Variants in TNFRSF11B observed in about 807,000 individuals in gnomAD.
TNFRSF11B encodes the protein tumor necrosis factor receptor superfamily member 11B.
TNFRSF11B carries 16 observed loss-of-function variants against 43.4 expected under a neutral mutation model. The observed-to-expected ratio is 0.37, with a 90% CI of 0.25 to 0.56. The LOEUF (loss-of-function observed/expected upper bound fraction) is 0.56. Among genes scored for constraint, TNFRSF11B ranks in the 20% least tolerant of loss-of-function variants. The probability of loss-of-function intolerance (pLI) is 0.80; values close to 1 mark genes in which losing one functional copy is unlikely to be tolerated. For synonymous variants in TNFRSF11B, 185 were observed against 181.8 expected, an observed-to-expected ratio of 1.02 and a Z score of -0.14; for missense variants, 444 against 490.1, an observed-to-expected ratio of 0.91 and a Z score of 0.89.
intron 1 of TNFRSF11B, among the ~76,000 whole-genome samples, chr8:118,940,775 A>T (rs1202143243): frequency 6.6e-6 from 1 of 152,174 alleles, no homozygotes; most frequent in Non-Finnish European, 1.5e-5. Context: ...AGCACCTTGG[A>T]CATGTTGATA....
chr8:118,931,327 G>A (rs2129892791), intron 2 of TNFRSF11B, among the ~76,000 whole-genome samples: 1 of 152,294 alleles, frequency 6.6e-6, no homozygotes, highest in African/African-American at 2.4e-5. Context: ...TGTACACAGA[G>A]TAAAATGTGT....
chr8:118,948,619 G>T (rs1039773783), intron 1 of TNFRSF11B, among the ~76,000 whole-genome samples: 1 of 151,778 alleles, frequency 6.6e-6, no homozygotes, highest in African/African-American at 2.4e-5. Flanking sequence ...AGTAAAATTT[G>T]AAACTAGATT....
At chr8:118,933,758 T>A (rs1254110438) in intron 1 of TNFRSF11B, among the ~76,000 whole-genome samples, 1 of 150,166 alleles carries the variant, frequency 6.7e-6, no homozygotes, top group Non-Finnish European at 1.5e-5. Flanking sequence ...GATGTGGGAT[T>A]GGGCCTGGGG....
intron 1 of TNFRSF11B, among the ~76,000 whole-genome samples, chr8:118,937,871 G>C (rs1812425098): frequency 1.3e-5 from 2 of 152,150 alleles, no homozygotes; most frequent in African/African-American, 4.8e-5. Context: ...ATGAGACTTA[G>C]CAAACACTGT....
chr8:118,940,386 G>T (rs1290575008), intron 1 of TNFRSF11B, among the ~76,000 whole-genome samples: 2 of 152,110 alleles, frequency 1.3e-5, no homozygotes, highest in Non-Finnish European at 2.9e-5. Context: ...TTGGCAATTT[G>T]GTCAATAAAT....
At chr8:118,938,429 C>T (rs1485286) in intron 1 of TNFRSF11B, among the ~76,000 whole-genome samples, 105,896 of 152,106 alleles carry the variant, frequency 0.7, 37,183 homozygotes, top group Non-Finnish European at 0.74. Flanking sequence ...ACTATAAAAA[C>T]GAGTCAGGGT....
chr8:118,940,193 G>T (rs1176030246), intron 1 of TNFRSF11B, among the ~76,000 whole-genome samples: 4 of 152,188 alleles, frequency 2.6e-5, no homozygotes, highest in Admixed American at 1.3e-4. Context: ...GGTGGGGGGA[G>T]CAGGGAGGGA....
At chr8:118,938,164 T>C (rs1357451370) in intron 1 of TNFRSF11B, among the ~76,000 whole-genome samples, 2 of 152,176 alleles carry the variant, frequency 1.3e-5, no homozygotes, top group African/African-American at 4.8e-5. Flanking sequence ...TTTATTTTTA[T>C]TGAGATGGGG....
intron 1 of TNFRSF11B, among the ~76,000 whole-genome samples, chr8:118,941,062 A>G (rs1442317490): frequency 6.6e-6 from 1 of 152,232 alleles, no homozygotes; most frequent in Non-Finnish European, 1.5e-5. Context: ...ATTTGCAAGG[A>G]CAAGCACAAA....
In TNFRSF11B at chr8:118,932,661, T is replaced by TA. The variant is rs5894464; in HGVS notation, c.400+269dup. On this transcript the variant is annotated intron_variant, in intron 2 of 4. Transcript: ENST00000297350. ...ATAGTGCAACTTGAGTTTGTTTCTT[T>TA]AAAAAAAAAAAAAAACCATCATGCA... 0.43 allele frequency among the ~76,000 whole-genome samples: 62,440 copies of TA among 144,590 alleles called. 13,958 individuals are homozygous for TA. The highest frequency in any genetic ancestry group is 0.6 in the East Asian group (2,970 of 4,920). The allele number at this position is 144,590 out of a possible 152,430, so 94.9% of individuals were successfully genotyped here.
chr8:118,949,870 C>T (rs1230806967), intron 1 of TNFRSF11B, among the ~76,000 whole-genome samples: 2 of 152,174 alleles, frequency 1.3e-5, no homozygotes, highest in East Asian at 1.9e-4. Flanking sequence ...TACAAAAGGG[C>T]ATCTGGACTC....
rs1812220222 is a variant in TNFRSF11B at position 118,924,365 on chromosome 8, C to T, written c.*9G>A. 1 of 1,613,874 alleles carries T rather than the reference C, an allele frequency of 6.2e-7. No individual in the cohort carries two copies. The highest frequency in any genetic ancestry group is 1.3e-5 in the African/African-American group (1 of 75,042). ...AATTGTGAGGAAACAGCTCAATGGC[C>T]ATTTCCAGTTATAAGCAGCTTATTT... On this transcript the variant is annotated 3_prime_UTR_variant, in exon 5 of 5. Transcript: ENST00000297350.
At chr8:118,938,865 A>G (rs993816441) in intron 1 of TNFRSF11B, among the ~76,000 whole-genome samples, 2 of 152,222 alleles carry the variant, frequency 1.3e-5, no homozygotes, top group Non-Finnish European at 2.9e-5. Context: ...AATGCAGCCA[A>G]TCCCATACTA....
At chr8:118,930,497 C>T (rs11573913) in intron 2 of TNFRSF11B, 12,833 of 191,294 alleles carry the variant, frequency 0.067, 1,760 homozygotes, top group African/African-American at 0.28. Context: ...CCACAACCTC[C>T]GCCTCCAGGG....
intron 3 of TNFRSF11B, among the ~76,000 whole-genome samples, chr8:118,927,201 A>G (rs34224083): frequency 2.0e-5 from 3 of 152,228 alleles, no homozygotes; most frequent in Non-Finnish European, 4.4e-5. Flanking sequence ...AGAGATAGAT[A>G]CAGATATATA....
intron 1 of TNFRSF11B, among the ~76,000 whole-genome samples, chr8:118,934,682 G>A (rs1010456570): frequency 6.6e-6 from 1 of 152,126 alleles, no homozygotes; most frequent in African/African-American, 2.4e-5. Context: ...TTTGTGTGTA[G>A]GGGGTGGTTT....
intron 1 of TNFRSF11B, among the ~76,000 whole-genome samples, chr8:118,943,852 T>C (rs1812523183): frequency 6.6e-6 from 1 of 152,128 alleles, no homozygotes; most frequent in Admixed American, 6.5e-5. Context: ...TGTCACATAA[T>C]AGGGTGTTTG....
intron 3 of TNFRSF11B, 107 bp downstream of exon 3, chr8:118,928,631 G>A (rs758513473): frequency 6.4e-6 from 8 of 1,258,376 alleles, no homozygotes; most frequent in Non-Finnish European, 9.3e-6. Context: ...TTCAAGAAAG[G>A]GAAAATGTAA....
intron 1 of TNFRSF11B, among the ~76,000 whole-genome samples, chr8:118,940,246 G>T (rs1202781166): frequency 6.6e-6 from 1 of 152,118 alleles, no homozygotes; most frequent in Non-Finnish European, 1.5e-5. Flanking sequence ...GAGTTGATGG[G>T]TGCAGCAAAC....
Sources: allele counts gnomAD v4.1 joint callset (sites outside exome capture counted in the v4.1 genomes callset), GRCh38; gene constraint gnomAD v4.1.1; transcripts MANE v1.5; gene names NCBI Gene and HGNC (gene_info 2026-07-23, HGNC 2026-07-21).